Variants in HESX1 observed in about 807,000 individuals in gnomAD.
HESX1 encodes homeobox expressed in ES cells 1.
In HESX1, 11 loss-of-function variants were observed where a neutral mutation model predicts 22.5. The observed-to-expected ratio is 0.49, with a 90% confidence interval of 0.31 to 0.81. HESX1 has a LOEUF of 0.81. HESX1 is among the 30% of genes least tolerant of loss of function. The pLI, the probability that HESX1 is intolerant of heterozygous loss-of-function variation, is 0.05. For synonymous variants in HESX1, 74 were observed against 76.5 expected (o/e 0.97, Z 0.17); for missense variants, 201 against 212.6 (o/e 0.95, Z 0.34).
chr3:57,199,004 A>G (rs376893308), intron 1 of HESX1, 52 bp from the exon 2 acceptor site: 87 of 1,510,644 alleles, frequency 5.8e-5, no homozygotes, highest in Non-Finnish European at 7.5e-5. Context: ...TATGTTCCAC[A>G]AAGTTCTATA....
chr3:57,214,799 G>T (rs1416809792), intron 1 of HESX1, among the ~76,000 whole-genome samples: 12 of 152,114 alleles, frequency 7.9e-5, no homozygotes, highest in African/African-American at 2.9e-4. Flanking sequence ...GTGTGTGTGT[G>T]CTTGTCTGTT....
In HESX1 at chr3:57,225,441, T is replaced by G. The variant is rs531100519; in HGVS notation, c.-111+855A>C. On this transcript the variant is annotated intron_variant, in intron 1 of 2. Transcript: ENST00000495160. ...TCACTGCAACCTCCACCTCCCGGGT[T>G]CAAGCGATTCTCCTGCCTCAGCTTC... Among the ~76,000 whole-genome samples, 7 of 152,152 alleles carry G rather than the reference T, an allele frequency of 4.6e-5. No individual in the cohort carries two copies. In the South Asian group the frequency reaches 1.5e-3, roughly 32 times the overall value.
chr3:57,208,818 G>A (rs1039093186), intron 1 of HESX1, among the ~76,000 whole-genome samples: 3 of 151,650 alleles, frequency 2.0e-5, no homozygotes, highest in African/African-American at 4.8e-5. Flanking sequence ...AAAATTAGCC[G>A]GGCATGGTGG....
At chr3:57,220,856 G>A (rs2060611725) in intron 1 of HESX1, among the ~76,000 whole-genome samples, 1 of 152,138 alleles carries the variant, frequency 6.6e-6, no homozygotes, top group South Asian at 2.1e-4. Flanking sequence ...CTCATAGTGG[G>A]CACAAGGCTT....
intron 1 of HESX1, among the ~76,000 whole-genome samples, chr3:57,208,440 G>C (rs1399944255): frequency 6.6e-6 from 1 of 151,842 alleles, no homozygotes; most frequent in Admixed American, 6.6e-5. Context: ...TCTGCCTCCC[G>C]GGTTCAAGCG....
At chr3:57,208,478 C>A (rs2060532868) in intron 1 of HESX1, among the ~76,000 whole-genome samples, 1 of 151,880 alleles carries the variant, frequency 6.6e-6, no homozygotes, top group African/African-American at 2.4e-5. Context: ...TCCCTAGCAG[C>A]AGGGATTACA....
At chr3:57,218,313 A>G (rs752515382) in intron 1 of HESX1, among the ~76,000 whole-genome samples, 1 of 151,384 alleles carries the variant, frequency 6.6e-6, no homozygotes. Context: ...GTGTCTATGT[A>G]TTCTCATCAT....
At chr3:57,205,767 C>T (rs777587350) in intron 1 of HESX1, among the ~76,000 whole-genome samples, 1 of 152,234 alleles carries the variant, frequency 6.6e-6, no homozygotes, top group Non-Finnish European at 1.5e-5. Flanking sequence ...ACATCCCTTG[C>T]CCTGTTCCCA....
Position 57,198,059 on chromosome 3 carries a change from T to A in HESX1, c.*138A>T. Reference sequence around the variant, plus strand: ...AATATGTACCATGCTATAATAGTATTTACAATATATTTTCAGAAAAAATGA... The same window carrying A: ...AATATGTACCATGCTATAATAGTATATACAATATATTTTCAGAAAAAATGA... On this transcript the variant is annotated 3_prime_UTR_variant, in exon 4 of 4. Coordinates refer to ENST00000295934, the MANE Select transcript of HESX1 (RefSeq NM_003865.3). The A allele has an allele frequency of 1.5e-6, 1 of 688,226 alleles. No individual in the cohort carries two copies. The highest frequency in any genetic ancestry group is 2.6e-6 in the Non-Finnish European group (1 of 386,462). The allele number at this position is 688,226 out of a possible 1,614,324, so 42.6% of individuals were successfully genotyped here.
chr3:57,221,944 T>G (rs2060618172), intron 1 of HESX1, among the ~76,000 whole-genome samples: 1 of 152,250 alleles, frequency 6.6e-6, no homozygotes, highest in Non-Finnish European at 1.5e-5. Flanking sequence ...ATGTTTATTT[T>G]TTATTGTCTT....
chr3:57,226,114 G>T (rs900368485), intron 1 of HESX1, among the ~76,000 whole-genome samples: 5 of 151,308 alleles, frequency 3.3e-5, no homozygotes, highest in Non-Finnish European at 5.9e-5. Context: ...CTGACCTCAG[G>T]TGATCCAGCT....
At chr3:57,217,094 T>A (rs2060586659) in intron 1 of HESX1, among the ~76,000 whole-genome samples, 1 of 152,142 alleles carries the variant, frequency 6.6e-6, no homozygotes, top group South Asian at 2.1e-4. Flanking sequence ...CTTTTCTTGT[T>A]CCAGGGACTT....
At position 57,199,920 on chromosome 3, in the gene HESX1, C is replaced by A. The variant is rs1446953787; in HGVS notation, c.-2G>T. On this transcript the variant is annotated 5_prime_UTR_variant, in exon 1 of 4. It adds an upstream start codon to the 5' untranslated region. Coordinates refer to ENST00000295934, the MANE Select transcript of HESX1 (RefSeq NM_003865.3). ...GCCTTCCTGAAGGCTGGGAGACATC[C>A]TCTCGTGGTCTGCACAGAGCAACAG... 19 of 1,613,666 alleles carry A rather than the reference C, an allele frequency of 1.2e-5. No individual in the cohort carries two copies. Among genetic ancestry groups the A allele is most frequent in the Non-Finnish European group, 1.5e-5 (18 of 1,179,812 alleles).
chr3:57,202,371 T>C (rs2060495354), upstream of HESX1, among the ~76,000 whole-genome samples: 1 of 152,136 alleles, frequency 6.6e-6, no homozygotes, highest in South Asian at 2.1e-4. Context: ...GGAATCTCAC[T>C]GTTACCCAGG....
rs1422593246 is a variant in HESX1, at chr3:57,199,976, T to TATAG, written c.-59_-58insCTAT. 6.0e-6 allele frequency: 9 copies of TATAG among 1,508,696 alleles called. No homozygotes were observed. The highest frequency in any genetic ancestry group is 9.2e-7 in the Non-Finnish European group (1 of 1,085,452). 93.5% of individuals were successfully genotyped at this position (1,508,696 alleles called of 1,614,324 possible). A position where few individuals can be genotyped will look rare whatever the true frequency, so the allele number is the denominator to read the frequency against. Reference sequence around the variant, plus strand: ...GCCTCTGCTGGCTCTGCCCCACGTGTATAGGGCTGGGATCTTCCTGCAGTT... The same window carrying TATAG: ...GCCTCTGCTGGCTCTGCCCCACGTGTATAGATAGGGCTGGGATCTTCCTGCAGTT... On this transcript the variant is annotated 5_prime_UTR_variant, in exon 1 of 4. Transcript: ENST00000295934.
At chr3:57,214,786 G>A (rs2060574647) in intron 1 of HESX1, among the ~76,000 whole-genome samples, 1 of 152,170 alleles carries the variant, frequency 6.6e-6, no homozygotes, top group Admixed American at 6.6e-5. Flanking sequence ...ATCAGAGACA[G>A]GGGTGTGTGT....
chr3:57,219,879 A>G (rs2060605116), intron 1 of HESX1, among the ~76,000 whole-genome samples: 1 of 152,154 alleles, frequency 6.6e-6, no homozygotes, highest in African/African-American at 2.4e-5. Context: ...TTTTGTTGCA[A>G]TTGCTTTTGG....
At chr3:57,218,769 AG>A (rs1316515607) in intron 1 of HESX1, among the ~76,000 whole-genome samples, 1 of 152,082 alleles carries the variant, frequency 6.6e-6, no homozygotes, top group Non-Finnish European at 1.5e-5. Flanking sequence ...ATGGCTGCAT[AG>A]TATTCTGTGG....
intron 1 of HESX1, among the ~76,000 whole-genome samples, chr3:57,216,436 C>A (rs1460042934): frequency 6.6e-6 from 1 of 151,876 alleles, no homozygotes; most frequent in African/African-American, 2.4e-5. Flanking sequence ...GTAAGGGAGA[C>A]CTCATCTCTA....
Sources: allele counts gnomAD v4.1 joint callset (sites outside exome capture counted in the v4.1 genomes callset), GRCh38; gene constraint gnomAD v4.1.1; transcripts MANE v1.5; gene names NCBI Gene and HGNC (gene_info 2026-07-23, HGNC 2026-07-21).